The following TNIK variants were observed in gnomAD, a reference collection of about 807,000 sequenced individuals.
The protein encoded by TNIK is TRAF2 and NCK interacting kinase, also known as TRAF2 and NCK-interacting protein kinase.
Under a neutral mutation model 191.3 loss-of-function variants are expected in TNIK, and 49 were observed. That is an observed-to-expected ratio of 0.26 (90% CI 0.20 to 0.32). TNIK has a LOEUF of 0.32. Ranked by LOEUF, TNIK falls within the 10% of genes least tolerant of loss-of-function variation. The pLI is 1.00. For synonymous variants in TNIK, 594 were observed against 600.9 expected (o/e 0.99, Z 0.17); for missense variants, 1,155 against 1,702.3 (o/e 0.68, Z 5.66).
At position 171,175,348 on chromosome 3, in the gene TNIK, AAGGGCCAGCTAC is replaced by A. The variant is rs768481156; in HGVS notation, c.695-30_695-19del. 4.8e-5 allele frequency: 77 copies of A among 1,598,724 alleles called. No homozygotes were observed. The highest frequency in any genetic ancestry group is 6.5e-5 in the Non-Finnish European group (76 of 1,173,382). ...ACAGAGAGCTGCAAGAGACCAAAAC[AAGGGCCAGCTAC>A]AGTTAGGAGGCCAAACCCAGGCCAA... On this transcript the variant is annotated intron_variant, in intron 8 of 32. Coordinates refer to ENST00000436636, the MANE Select transcript of TNIK (RefSeq NM_015028.4).
intron 1 of TNIK, among the ~76,000 whole-genome samples, chr3:171,416,903 G>A (rs572368941): frequency 3.5e-4 from 53 of 152,182 alleles, no homozygotes; most frequent in Middle Eastern, 3.4e-3. Context: ...AAATTCCCTG[G>A]CAGTAGAAAT....
intron 1 of TNIK, among the ~76,000 whole-genome samples, chr3:171,408,128 G>A (rs189984138): frequency 2.0e-5 from 3 of 152,248 alleles, no homozygotes; most frequent in Admixed American, 1.3e-4. Context: ...TCTAAAAAAG[G>A]TGATGAAAGT....
intron 4 of TNIK, among the ~76,000 whole-genome samples, chr3:171,195,579 C>T (rs1295192587): frequency 6.7e-6 from 1 of 149,256 alleles, no homozygotes; most frequent in African/African-American, 2.4e-5. Context: ...CACTATGTTT[C>T]CAGGTCCTAA....
chr3:171,357,713 C>G (rs16856183), intron 2 of TNIK, among the ~76,000 whole-genome samples: 2,880 of 152,174 alleles, frequency 0.019, 101 homozygotes, highest in African/African-American at 0.067. Flanking sequence ...GGAAAACCAT[C>G]AAACCCCATT....
intron 1 of TNIK, among the ~76,000 whole-genome samples, chr3:171,444,638 C>T (rs935687809): frequency 2.7e-5 from 4 of 150,384 alleles, no homozygotes; most frequent in Non-Finnish European, 5.9e-5. Flanking sequence ...ACAGAATTAT[C>T]AATTGAAAGT....
chr3:171,263,286 G>A (rs538799769), intron 2 of TNIK, among the ~76,000 whole-genome samples: 1 of 152,294 alleles, frequency 6.6e-6, no homozygotes, highest in Admixed American at 6.5e-5. Context: ...GAGACTCATA[G>A]GGAGTTTTGT....
intron 1 of TNIK, among the ~76,000 whole-genome samples, chr3:171,431,771 C>A (rs145031523): frequency 6.6e-6 from 1 of 152,248 alleles, no homozygotes; most frequent in East Asian, 1.9e-4. Flanking sequence ...GTACATTCTA[C>A]ACAGAATTCA....
intron 1 of TNIK, among the ~76,000 whole-genome samples, chr3:171,411,122 G>A (rs977297774): frequency 6.6e-6 from 1 of 151,356 alleles, no homozygotes; most frequent in Non-Finnish European, 1.5e-5. Context: ...AGGCTGGAGT[G>A]CAGTGGCATG....
chr3:171,139,348 CT>C lies in TNIK; in HGVS notation c.1419+121del, dbSNP rs1370632269. ...GGCTTAGAAGATCCCCTCTTCTGGA[CT>C]GGTATGTTAGAAGGACACACGCACG... On this transcript the variant is annotated intron_variant, in intron 14 of 32. Coordinates refer to ENST00000436636, the MANE Select transcript of TNIK (RefSeq NM_015028.4). 3 of 844,316 alleles carry C rather than the reference CT, an allele frequency of 3.6e-6. No individual in the cohort carries two copies. In the South Asian group the frequency reaches 4.7e-5, roughly 13 times the overall value. The allele number at this position is 844,316 out of a possible 1,614,324, so 52.3% of individuals were successfully genotyped here.
intron 1 of TNIK, among the ~76,000 whole-genome samples, chr3:171,372,506 A>T (rs1170018881): frequency 6.6e-6 from 1 of 152,232 alleles, no homozygotes; most frequent in Non-Finnish European, 1.5e-5. Flanking sequence ...AGCTGAACTG[A>T]AATGTAGTGG....
chr3:171,312,325 T>C (rs1363724329), intron 2 of TNIK, among the ~76,000 whole-genome samples: 1 of 151,940 alleles, frequency 6.6e-6, no homozygotes. Context: ...AGAAAAATAT[T>C]ATTTTTATAT....
chr3:171,219,056 T>TATAATTATA (rs1560278639), intron 3 of TNIK, among the ~76,000 whole-genome samples: 3 of 122,046 alleles, frequency 2.5e-5, no homozygotes, highest in Admixed American at 9.4e-5. Flanking sequence ...ATATTTAATA[T>TATAATTATA]AATATATTAA....
intron 3 of TNIK, among the ~76,000 whole-genome samples, chr3:171,224,414 T>A (rs952635638): frequency 6.6e-5 from 10 of 152,116 alleles, no homozygotes; most frequent in Non-Finnish European, 8.8e-5. Context: ...AAGGGACTAC[T>A]TTACACTAGG....
At chr3:171,450,161 A>G (rs1417322085) in intron 1 of TNIK, among the ~76,000 whole-genome samples, 1 of 152,080 alleles carries the variant, frequency 6.6e-6, no homozygotes, top group Admixed American at 6.6e-5. Context: ...TCAGGTTAAG[A>G]TACAGCACAT....
intron 1 of TNIK, among the ~76,000 whole-genome samples, chr3:171,379,060 C>T (rs914171018): frequency 2.0e-5 from 3 of 152,166 alleles, no homozygotes; most frequent in Non-Finnish European, 4.4e-5. Flanking sequence ...GTTAAGAAAT[C>T]GATTTCATTC....
At chr3:171,299,458 C>A (rs1752670263) in intron 2 of TNIK, among the ~76,000 whole-genome samples, 1 of 152,136 alleles carries the variant, frequency 6.6e-6, no homozygotes. Flanking sequence ...GTGTGGAGAG[C>A]CAACATGGTA....
chr3:171,270,722 G>A (rs1350844659), intron 2 of TNIK, among the ~76,000 whole-genome samples: 2 of 152,218 alleles, frequency 1.3e-5, no homozygotes, highest in East Asian at 3.9e-4. Flanking sequence ...AAAAAATAGG[G>A]GTTGAATCCT....
At chr3:171,189,727 G>C (rs1188149738) in intron 6 of TNIK, among the ~76,000 whole-genome samples, 1 of 152,062 alleles carries the variant, frequency 6.6e-6, no homozygotes, top group African/African-American at 2.4e-5. Context: ...TCTTGTACAG[G>C]GCCTGGCATA....
At chr3:171,084,749 C>T (rs1402941121) in intron 25 of TNIK, among the ~76,000 whole-genome samples, 1 of 152,170 alleles carries the variant, frequency 6.6e-6, no homozygotes, top group African/African-American at 2.4e-5. Flanking sequence ...GGGAAGCACA[C>T]ACCTAGAACT....
Sources: gnomAD v4.1 joint callset for allele counts (sites outside exome capture counted in the v4.1 genomes callset) on GRCh38, gnomAD v4.1.1 for gene constraint, MANE v1.5 for transcripts, NCBI Gene and HGNC (gene_info 2026-07-23, HGNC 2026-07-21) for gene names.